The following FHIT variants were observed in gnomAD, a reference collection of about 807,000 sequenced individuals.
The protein encoded by FHIT is bis(5'-adenosyl)-triphosphatase.
FHIT carries 19 observed loss-of-function variants against 17.9 expected under a neutral mutation model. The ratio of observed to expected loss-of-function variants is 1.06; its 90% CI spans 0.74 to 1.56. The LOEUF is 1.56. Among genes scored for constraint, FHIT ranks in the 40% most tolerant of loss-of-function variants. FHIT has a pLI of 0.00. For missense variants in FHIT, 248 were observed against 189.2 expected, an observed-to-expected ratio of 1.31 and a Z score of -1.82; for synonymous variants, 81 against 69.7, an observed-to-expected ratio of 1.16 and a Z score of -0.81.
chr3:60,284,640 A>C (rs1707631728), intron 5 of FHIT, among the ~76,000 whole-genome samples: 1 of 152,108 alleles, frequency 6.6e-6, no homozygotes, highest in Non-Finnish European at 1.5e-5. Context: ...TTTCTGAGTA[A>C]TCTGAAGAAT....
intron 5 of FHIT, among the ~76,000 whole-genome samples, chr3:60,106,162 G>A (rs1704400935): frequency 6.6e-6 from 1 of 152,162 alleles, no homozygotes; most frequent in South Asian, 2.1e-4. Context: ...ATCAACTGTT[G>A]TGGTATGGCA....
intron 5 of FHIT, among the ~76,000 whole-genome samples, chr3:60,140,073 A>C (rs1217246667): frequency 6.6e-6 from 1 of 152,058 alleles, no homozygotes; most frequent in Admixed American, 6.5e-5. Context: ...GTGAGCAGAG[A>C]TCGTACCACT....
intron 5 of FHIT, among the ~76,000 whole-genome samples, chr3:60,026,264 AATAATAGC>A (rs1700737630): frequency 6.6e-6 from 1 of 151,988 alleles, no homozygotes. Context: ...GTTTTTTCAA[AATAATAGC>A]ATATTTCACA....
intron 5 of FHIT, among the ~76,000 whole-genome samples, chr3:60,414,600 C>A (rs1277304565): frequency 6.6e-6 from 1 of 152,150 alleles, no homozygotes; most frequent in African/African-American, 2.4e-5. Flanking sequence ...ACTCTAAAAT[C>A]AAACAATATT....
At chr3:60,495,613 T>TAA (rs1016593304) in intron 5 of FHIT, among the ~76,000 whole-genome samples, 3 of 152,040 alleles carry the variant, frequency 2.0e-5, no homozygotes, top group African/African-American at 7.2e-5. Context: ...ATTGTGTTCA[T>TAA]AACTGGGGAT....
chr3:60,213,982 G>A (rs894588122), intron 5 of FHIT, among the ~76,000 whole-genome samples: 2 of 152,130 alleles, frequency 1.3e-5, no homozygotes, highest in African/African-American at 4.8e-5. Flanking sequence ...GTAGCCTACA[G>A]ATCCTGCAAC....
intron 5 of FHIT, among the ~76,000 whole-genome samples, chr3:60,314,326 A>G (rs1709074720): frequency 6.6e-6 from 1 of 152,206 alleles, no homozygotes; most frequent in Non-Finnish European, 1.5e-5. Context: ...AAGGGATTTC[A>G]GTAGTATCAG....
At chr3:61,230,826 G>A (rs2040081430) in intron 1 of FHIT, among the ~76,000 whole-genome samples, 1 of 152,138 alleles carries the variant, frequency 6.6e-6, no homozygotes, top group Non-Finnish European at 1.5e-5. Context: ...TACAGCCTCT[G>A]AAATTCTAAA....
intron 8 of FHIT, among the ~76,000 whole-genome samples, chr3:59,823,373 G>T (rs769045681): frequency 1.3e-5 from 2 of 152,126 alleles, no homozygotes; most frequent in Non-Finnish European, 1.5e-5. Context: ...TTTGTAGACT[G>T]CTTTAGGCAG....
chr3:61,178,461 G>A (rs1374981036), intron 2 of FHIT, among the ~76,000 whole-genome samples: 5 of 150,368 alleles, frequency 3.3e-5, no homozygotes, highest in African/African-American at 9.8e-5. Flanking sequence ...AAACCATTAC[G>A]TATGTGGCCT....
intron 8 of FHIT, among the ~76,000 whole-genome samples, chr3:59,828,366 C>T (rs1701046614): frequency 6.6e-6 from 1 of 152,176 alleles, no homozygotes; most frequent in South Asian, 2.1e-4. Context: ...TACTGTGTTG[C>T]TTCAGTAACT....
At chr3:61,154,415 A>C (rs148575984) in intron 2 of FHIT, among the ~76,000 whole-genome samples, 3 of 149,242 alleles carry the variant, frequency 2.0e-5, no homozygotes, top group Non-Finnish European at 4.5e-5. Context: ...ACCCCTCATA[A>C]AACAATTTTA....
At chr3:60,569,755 ATT>A (rs1553654909) in intron 4 of FHIT, among the ~76,000 whole-genome samples, 1,931 of 77,354 alleles carry the variant, frequency 0.025, 95 homozygotes, top group African/African-American at 0.085. Flanking sequence ...ATATATATAT[ATT>A]TTTTTTTTTT....
chr3:60,883,755 A>G (rs1705078269), intron 3 of FHIT, among the ~76,000 whole-genome samples: 1 of 152,148 alleles, frequency 6.6e-6, no homozygotes, highest in African/African-American at 2.4e-5. Flanking sequence ...CGAACTATAA[A>G]ACTAAGAGGA....
intron 8 of FHIT, among the ~76,000 whole-genome samples, chr3:59,831,275 TATG>T (rs374077447): frequency 1.3e-4 from 20 of 151,620 alleles, no homozygotes; most frequent in Admixed American, 2.0e-4. Context: ...ATGCTGGTGA[TATG>T]ATGATGATGA....
intron 4 of FHIT, among the ~76,000 whole-genome samples, chr3:60,789,025 A>C (rs1367030689): frequency 6.6e-6 from 1 of 151,792 alleles, no homozygotes; most frequent in Non-Finnish European, 1.5e-5. Flanking sequence ...ACATTCCCTA[A>C]GGTAAACTAA....
chr3:59,858,589 G>C, intron 8 of FHIT, among the ~76,000 whole-genome samples: 1 of 152,050 alleles, frequency 6.6e-6, no homozygotes, highest in Non-Finnish European at 1.5e-5. Flanking sequence ...GGGGTGTCTT[G>C]TGGAGGTGGG....
intron 3 of FHIT, among the ~76,000 whole-genome samples, chr3:60,961,262 T>C (rs1399437649): frequency 1.8e-4 from 27 of 149,588 alleles, no homozygotes; most frequent in Admixed American, 8.1e-4. Flanking sequence ...TATCCTTCGT[T>C]CACTTTTTGA....
chr3:60,712,878 A>C (rs2041576703), intron 4 of FHIT, among the ~76,000 whole-genome samples: 1 of 145,390 alleles, frequency 6.9e-6, no homozygotes, highest in African/African-American at 2.5e-5. Flanking sequence ...CGAGACAGAA[A>C]GTTAACAAGG....
Sources: allele counts gnomAD v4.1 joint callset (sites outside exome capture counted in the v4.1 genomes callset), GRCh38; gene constraint gnomAD v4.1.1; transcripts MANE v1.5; gene names NCBI Gene and HGNC (gene_info 2026-07-23, HGNC 2026-07-21).